The following LDB2 variants were observed in gnomAD, a reference collection of about 807,000 sequenced individuals.
LDB2 encodes LIM domain-binding protein 2.
A neutral mutation model predicts 44.3 loss-of-function variants in LDB2; 12 were observed. The ratio of observed to expected loss-of-function variants is 0.27; its 90% CI spans 0.17 to 0.44. The LOEUF is 0.44. Ranked by LOEUF, LDB2 falls within the 20% of genes least tolerant of loss-of-function variation. LDB2 has a pLI of 1.00. For synonymous variants in LDB2, 164 were observed against 174.8 expected (o/e 0.94, Z 0.49); for missense variants, 344 against 473.5 (o/e 0.73, Z 2.54).
At chr4:16,585,640 CA>C (rs775691219) in intron 5 of LDB2, among the ~76,000 whole-genome samples, 26 of 152,118 alleles carry the variant, frequency 1.7e-4, no homozygotes, top group Non-Finnish European at 2.9e-4. Flanking sequence ...GAAGCAGCCA[CA>C]AAGCATTTTG....
At chr4:16,668,660 C>A (rs1318401743) in intron 2 of LDB2, among the ~76,000 whole-genome samples, 4 of 152,190 alleles carry the variant, frequency 2.6e-5, no homozygotes, top group African/African-American at 9.6e-5. Context: ...AATTACATTG[C>A]ATGTTCTATG....
chr4:16,871,621 CTTTT>C (rs369989468), intron 1 of LDB2, among the ~76,000 whole-genome samples: 1 of 124,810 alleles, frequency 8.0e-6, no homozygotes, highest in African/African-American at 2.8e-5. Flanking sequence ...ACCACTCTTT[CTTTT>C]TTTTTTTTTT....
intron 5 of LDB2, among the ~76,000 whole-genome samples, chr4:16,585,096 C>A (rs1246097038): frequency 6.6e-6 from 1 of 152,170 alleles, no homozygotes; most frequent in African/African-American, 2.4e-5. Context: ...GTGGAGAGAA[C>A]AACTTCATAG....
At chr4:16,727,711 C>T (rs1164317356) in intron 2 of LDB2, among the ~76,000 whole-genome samples, 1 of 152,146 alleles carries the variant, frequency 6.6e-6, no homozygotes, top group African/African-American at 2.4e-5. Context: ...TAATTTTTAT[C>T]TAGCATCCCA....
intron 2 of LDB2, among the ~76,000 whole-genome samples, chr4:16,662,167 A>T (rs1310478751): frequency 7.2e-5 from 11 of 152,098 alleles, no homozygotes; most frequent in Admixed American, 7.2e-4. Context: ...TTTCTACCCG[A>T]CTCATGCCAT....
chr4:16,772,023 G>T (rs986049518), intron 1 of LDB2, among the ~76,000 whole-genome samples: 1 of 152,138 alleles, frequency 6.6e-6, no homozygotes, highest in Non-Finnish European at 1.5e-5. Flanking sequence ...ACAGCCCGCA[G>T]ATCTAGGTTC....
intron 2 of LDB2, among the ~76,000 whole-genome samples, chr4:16,743,481 C>A (rs1271360289): frequency 6.6e-6 from 1 of 152,076 alleles, no homozygotes; most frequent in African/African-American, 2.4e-5. Flanking sequence ...ACTCATTTTA[C>A]AGCTGCAATT....
At chr4:16,700,469 C>T (rs1310172719) in intron 2 of LDB2, among the ~76,000 whole-genome samples, 3 of 152,192 alleles carry the variant, frequency 2.0e-5, no homozygotes, top group African/African-American at 7.2e-5. Context: ...ATTTCACTTA[C>T]ACGTAAACAC....
chr4:16,805,754 A>G lies in LDB2; in HGVS notation c.133-46494T>C, dbSNP rs145927788. The stretch of plus-strand genomic sequence containing the variant: ...ATTCCTCTGACTGCATGTAGAATCA[A>G]CTAGAGTAGGAAAAACCTGCAGAGA... On this transcript the variant is annotated intron_variant, in intron 1 of 7. Transcript: ENST00000304523. Among the ~76,000 whole-genome samples, 926 of 152,336 alleles carry G rather than the reference A, an allele frequency of 6.1e-3. 10 individuals are homozygous for G. The highest frequency in any genetic ancestry group is 0.021 in the African/African-American group (870 of 41,574).
chr4:16,559,724 C>A (rs1426711294), intron 5 of LDB2, among the ~76,000 whole-genome samples: 2 of 152,154 alleles, frequency 1.3e-5, no homozygotes. Flanking sequence ...ACCTAATAGA[C>A]ATCTACAGAA....
chr4:16,718,277 T>C (rs1324919251), intron 2 of LDB2, among the ~76,000 whole-genome samples: 1 of 152,078 alleles, frequency 6.6e-6, no homozygotes, highest in Admixed American at 6.6e-5. Flanking sequence ...AGGGAAAATA[T>C]TATAATATAT....
intron 1 of LDB2, among the ~76,000 whole-genome samples, chr4:16,810,764 T>C (rs932604294): frequency 6.6e-6 from 1 of 150,880 alleles, no homozygotes; most frequent in Non-Finnish European, 1.5e-5. Flanking sequence ...AGGGGGTCTA[T>C]GAACACCCCA....
At chr4:16,750,203 T>C (rs1282670524) in intron 2 of LDB2, among the ~76,000 whole-genome samples, 1 of 152,222 alleles carries the variant, frequency 6.6e-6, no homozygotes, top group Non-Finnish European at 1.5e-5. Flanking sequence ...CTATAGTCAT[T>C]ATGCTGTACA....
chr4:16,646,330 AT>A (rs1354527922), intron 2 of LDB2, among the ~76,000 whole-genome samples: 1 of 152,148 alleles, frequency 6.6e-6, no homozygotes, highest in Non-Finnish European at 1.5e-5. Context: ...TGTAAATTAT[AT>A]ATTAACTGTG....
At chr4:16,633,683 C>T (rs978853415) in intron 2 of LDB2, among the ~76,000 whole-genome samples, 7 of 152,182 alleles carry the variant, frequency 4.6e-5, no homozygotes, top group African/African-American at 1.7e-4. Context: ...AATGGCCTCA[C>T]TGCCCAAAGT....
intron 1 of LDB2, among the ~76,000 whole-genome samples, chr4:16,856,356 G>A (rs1402885339): frequency 6.6e-6 from 1 of 152,102 alleles, no homozygotes; most frequent in Non-Finnish European, 1.5e-5. Flanking sequence ...AATATCAAGT[G>A]TTAGCAAGAG....
chr4:16,679,454 C>G (rs1370743625), intron 2 of LDB2, among the ~76,000 whole-genome samples: 1 of 152,112 alleles, frequency 6.6e-6, no homozygotes, highest in South Asian at 2.1e-4. Flanking sequence ...AATCCTTTAC[C>G]TATATTAACT....
chr4:16,684,390 C>A (rs1295331380), intron 2 of LDB2, among the ~76,000 whole-genome samples: 1 of 152,150 alleles, frequency 6.6e-6, no homozygotes, highest in African/African-American at 2.4e-5. Context: ...AACATGACTG[C>A]AGTTATTTCT....
Position 16,825,320 on chromosome 4 carries a change from G to A in LDB2, c.133-66060C>T, listed in dbSNP as rs139975343. ...GAAATAACAAATTATAGCCAAAATG[G>A]CAATTCTAAGACAGAAGCTAGGGTT... On this transcript the variant is annotated intron_variant, in intron 1 of 7. Coordinates refer to ENST00000304523, the MANE Select transcript of LDB2 (RefSeq NM_001290.5). Among the ~76,000 whole-genome samples, 864 of 152,216 alleles carry A rather than the reference G, an allele frequency of 5.7e-3. 7 individuals carry two copies. The highest frequency in any genetic ancestry group is 0.01 in the Non-Finnish European group (696 of 68,032).
Sources: allele counts gnomAD v4.1 joint callset (sites outside exome capture counted in the v4.1 genomes callset), GRCh38; gene constraint gnomAD v4.1.1; transcripts MANE v1.5; gene names NCBI Gene and HGNC (gene_info 2026-07-23, HGNC 2026-07-21).